The following OSBPL10 variants were observed in gnomAD, a reference collection of about 807,000 sequenced individuals.
OSBPL10 encodes oxysterol-binding protein-related protein 10.
A neutral mutation model predicts 81.7 loss-of-function variants in OSBPL10; 49 were observed. The observed-to-expected ratio is 0.60, with a 90% CI of 0.48 to 0.76. The LOEUF (loss-of-function observed/expected upper bound fraction) is 0.76. Among genes scored for constraint, OSBPL10 ranks in the 30% least tolerant of loss-of-function variants. The pLI, the probability that OSBPL10 is intolerant of heterozygous loss-of-function variation, is 0.00. For synonymous variants in OSBPL10, 419 were observed against 383.6 expected, an observed-to-expected ratio of 1.09 and a Z score of -1.08; for missense variants, 923 against 987.8, an observed-to-expected ratio of 0.93 and a Z score of 0.88.
chr3:31,932,986 T>G (rs1394221248), intron 1 of OSBPL10, among the ~76,000 whole-genome samples: 4 of 152,182 alleles, frequency 2.6e-5, no homozygotes, highest in Admixed American at 2.6e-4. Flanking sequence ...AAACTCAAAT[T>G]TATTTAAAAA....
rs147121295 is a variant in OSBPL10, at chr3:31,863,363, G to A, written c.537+13070C>T. On this transcript the variant is annotated intron_variant, in intron 3 of 11. Transcript: ENST00000396556. ...TATCCTGGAATGAGATAGTGGTAGT[G>A]GTTGTACAATTTTGAAAACATACTA... 5.5e-3 allele frequency among the ~76,000 whole-genome samples: 830 copies of A among 152,200 alleles called. 16 individuals carry two copies. The South Asian group carries it at 0.055, about 10-fold the overall frequency.
chr3:31,788,290 T>C (rs1698911514), intron 4 of OSBPL10, among the ~76,000 whole-genome samples: 1 of 152,204 alleles, frequency 6.6e-6, no homozygotes, highest in South Asian at 2.1e-4. Flanking sequence ...TCCTATGACA[T>C]TTTGCCATAA....
At chr3:32,026,057 T>TAGATAGATAGATAGATGATAGATAGATA (rs58717718) in intron 2 of OSBPL10, among the ~76,000 whole-genome samples, 2 of 111,232 alleles carry the variant, frequency 1.8e-5, no homozygotes, top group African/African-American at 6.9e-5. Flanking sequence ...GATAGATAGA[T>TAGATAGATAGATAGATGATAGATAGATA]GATAGATAGA....
rs143778028 is a variant in OSBPL10 at position 31,733,391 on chromosome 3, C to T, written c.961G>A (p.Gly321Arg). 1.7e-5 allele frequency: 28 copies of T among 1,613,986 alleles called. 1 individual carries two copies. Among genetic ancestry groups the T allele is most frequent in the African/African-American group, 1.1e-4 (8 of 74,906 alleles). ...GASENILGWH[G>R]SKSHSTEQLK... ...TGCTCTGTGGAATGTGACTTGGACCCGTGCCATCCCAGGATGTTTTCTGAA... is the reference window on the plus strand; with the variant it reads ...TGCTCTGTGGAATGTGACTTGGACCTGTGCCATCCCAGGATGTTTTCTGAA... Residue 321 changes from glycine to arginine, a missense_variant, in exon 6 of 12, where the codon GGG (glycine) becomes AGG (arginine). Gly to Arg is a moderately radical substitution (Grantham distance 125, BLOSUM62 -2). This residue lies in a region of OSBPL10 where 514 missense variants were observed against 508.0 expected (regional missense o/e 1.01). Transcript: ENST00000396556.
At chr3:31,701,442 A>G (rs1268699851) in intron 7 of OSBPL10, among the ~76,000 whole-genome samples, 1 of 152,092 alleles carries the variant, frequency 6.6e-6, no homozygotes, top group Non-Finnish European at 1.5e-5. Flanking sequence ...ACCACATAAC[A>G]TAGCATTTCG....
At chr3:31,972,595 G>GC (rs1456354971) in intron 1 of OSBPL10, among the ~76,000 whole-genome samples, 2 of 151,904 alleles carry the variant, frequency 1.3e-5, no homozygotes, top group African/African-American at 4.8e-5. Flanking sequence ...CCAGAACAGA[G>GC]CCCCCAGTTC....
Position 31,702,475 on chromosome 3 carries a change from C to T in OSBPL10, c.1129G>A (p.Asp377Asn). The change falls in exon 7 of 12, where the codon GAT becomes AAT. Residue 377 changes from aspartate (D) to asparagine (N), a missense_variant. By Grantham distance (23) the Asp-to-Asn change is conservative (BLOSUM62 1). Around this residue, in one of 3 missense-constraint regions of OSBPL10, gnomAD observed 514 missense variants for 508.0 expected, o/e 1.01. Transcript: ENST00000396556. Reference sequence around the variant, plus strand: ...TTATCTTCATTGTCACTTTTTTCATCTTCAGACAAAACCAATTCAGAGCCT... The same window carrying T: ...TTATCTTCATTGTCACTTTTTTCATTTTCAGACAAAACCAATTCAGAGCCT... ...NSGSELVLSEDEKSDNEDKEE... is the reference protein window; with the variant it reads ...NSGSELVLSENEKSDNEDKEE... 1 of 1,614,204 alleles carries T rather than the reference C, an allele frequency of 6.2e-7. No individual in the cohort carries two copies. The highest frequency in any genetic ancestry group is 8.5e-7 in the Non-Finnish European group (1 of 1,180,032).
intron 6 of OSBPL10, chr3:31,707,160 A>T (rs1226317900): frequency 6.6e-6 from 1 of 152,216 alleles, no homozygotes; most frequent in East Asian, 1.9e-4. Flanking sequence ...TCCATTACCT[A>T]ACCATTAAAG....
intron 1 of OSBPL10, among the ~76,000 whole-genome samples, chr3:32,071,632 C>G (rs1229172245): frequency 6.6e-6 from 1 of 152,202 alleles, no homozygotes; most frequent in East Asian, 1.9e-4. Flanking sequence ...CTTTTAGAGG[C>G]CCTCAAAATC....
At chr3:32,020,779 C>G (rs1263410370) in intron 2 of OSBPL10, among the ~76,000 whole-genome samples, 1 of 151,484 alleles carries the variant, frequency 6.6e-6, no homozygotes, top group Non-Finnish European at 1.5e-5. Flanking sequence ...ACCAGTGAGT[C>G]TTATAGGAGT....
intron 4 of OSBPL10, among the ~76,000 whole-genome samples, chr3:31,793,547 A>C (rs557795246): frequency 9.9e-5 from 15 of 152,226 alleles, no homozygotes; most frequent in Non-Finnish European, 1.8e-4. Flanking sequence ...AAGAAATCCA[A>C]AACTAAGCAC....
intron 4 of OSBPL10, among the ~76,000 whole-genome samples, chr3:31,763,575 A>G (rs775356416): frequency 7.2e-5 from 11 of 152,226 alleles, no homozygotes; most frequent in Non-Finnish European, 1.6e-4. Context: ...CTTGAGCTTG[A>G]TAGCATATAC....
At chr3:31,821,112 C>T (rs955943985) in intron 4 of OSBPL10, among the ~76,000 whole-genome samples, 3 of 152,104 alleles carry the variant, frequency 2.0e-5, no homozygotes, top group Non-Finnish European at 2.9e-5. Flanking sequence ...CCCCACCCCA[C>T]CCAGCCATGC....
intron 3 of OSBPL10, among the ~76,000 whole-genome samples, chr3:31,874,110 TTC>T (rs908425388): frequency 2.1e-5 from 3 of 144,584 alleles, no homozygotes; most frequent in Non-Finnish European, 4.5e-5. Context: ...AATCTTCAAA[TTC>T]TTTTTTTTTT....
At chr3:31,966,770 A>G (rs1338481864) in intron 1 of OSBPL10, among the ~76,000 whole-genome samples, 1 of 152,094 alleles carries the variant, frequency 6.6e-6, no homozygotes, top group East Asian at 1.9e-4. Context: ...AATCCAATTT[A>G]AAAATGGGCA....
At chr3:31,925,777 C>A (rs577389285) in intron 1 of OSBPL10, among the ~76,000 whole-genome samples, 14 of 152,156 alleles carry the variant, frequency 9.2e-5, no homozygotes, top group Admixed American at 9.2e-4. Context: ...TGTGCCACTG[C>A]ACTCCAGCCT....
intron 8 of OSBPL10, among the ~76,000 whole-genome samples, chr3:31,680,623 T>C (rs906595773): frequency 5.9e-5 from 9 of 152,150 alleles, no homozygotes; most frequent in Non-Finnish European, 1.0e-4. Context: ...GAAATAAACT[T>C]GTATAGGGAA....
rs547287162 is a variant in OSBPL10 at position 31,670,801 on chromosome 3, G to A, written c.1909C>T (p.His637Tyr). The change falls in exon 9 of 12, where the codon CAC (histidine) becomes TAC (tyrosine). Residue 637 changes from histidine to tyrosine, a missense_variant. His to Tyr is a moderately conservative substitution (Grantham distance 83). This residue lies in a region of OSBPL10 where 387 missense variants were observed against 436.3 expected (regional missense o/e 0.89). Coordinates refer to ENST00000396556, the MANE Select transcript of OSBPL10 (RefSeq NM_017784.5). ...HTKPFYGGKVHRVTAEVKHNP... is the reference protein window; with the variant it reads ...HTKPFYGGKVYRVTAEVKHNP... ...GTCTCTCCGGCCAGCTCCTACCTGT[G>A]GACTTTCCCTCCATAGAAAGGCTTC... 6.2e-7 allele frequency: 1 copy of A among 1,613,478 alleles called. No individual in the cohort carries two copies. Among genetic ancestry groups the A allele is most frequent in the African/African-American group, 1.3e-5 (1 of 75,046 alleles).
intron 2 of OSBPL10, among the ~76,000 whole-genome samples, chr3:32,032,161 G>A (rs1699476056): frequency 6.6e-6 from 1 of 152,120 alleles, no homozygotes. Context: ...GCTCATGCCT[G>A]TAATCCCAAC....
Sources: gnomAD v4.1 joint callset for allele counts (sites outside exome capture counted in the v4.1 genomes callset) on GRCh38, gnomAD v4.1.1 for gene constraint, gnomAD v4.1.1 regional missense constraint, MANE v1.5 for transcripts, NCBI Gene and HGNC (gene_info 2026-07-23, HGNC 2026-07-21) for gene names.